The following IL17REL variants were observed in gnomAD, a reference collection of about 807,000 sequenced individuals.
IL17REL encodes the protein interleukin-17 receptor E-like protein.
A neutral mutation model predicts 49.0 loss-of-function variants in IL17REL; 36 were observed. The observed-to-expected ratio is 0.73, with a 90% CI of 0.56 to 0.97. The LOEUF is 0.97. IL17REL is among the 50% of genes least tolerant of loss of function. The pLI is 0.00. For missense variants in IL17REL, 470 were observed against 453.9 expected (o/e 1.04, Z -0.32); for synonymous variants, 206 against 192.4 (o/e 1.07, Z -0.58).
At chr22:49,997,875 C>T in intron 9 of IL17REL, 133 bp from the exon 12 acceptor site, 1 of 1,373,960 alleles carries the variant, frequency 7.3e-7, no homozygotes, top group Non-Finnish European at 1.0e-6. Context: ...AGGCCCTTAG[C>T]TCACCCACTG....
At position 49,999,314 on chromosome 22, in the gene IL17REL, A is replaced by ATCCGC; in HGVS notation, c.573_577dup (p.Ile193SerfsTer31). 1 of 1,612,924 alleles carries ATCCGC rather than the reference A, an allele frequency of 6.2e-7. No homozygotes were observed. Among genetic ancestry groups the ATCCGC allele is most frequent in the Non-Finnish European group, 8.5e-7 (1 of 1,179,986 alleles). On this transcript the variant is annotated frameshift_variant, in exon 7 of 13. Transcript: ENST00000341280. LOFTEE classifies it high-confidence loss of function. ...GCCGTTTTCAAAGGGGCAGATCTGG[A>ATCCGC]TCCGCACCGCGTCAGGGGTCGCAGA...
At chr22:50,010,849 C>T (rs929872450), upstream of IL17REL, among the ~76,000 whole-genome samples, 71 of 151,860 alleles carry the variant, frequency 4.7e-4, no homozygotes, top group Admixed American at 2.0e-3. Context: ...GCGCTGGGCG[C>T]CTCCCCCGCA....
rs374805707 is a variant in IL17REL, at chr22:50,000,687, A to ATGGCGCCCAGGAGGAG, written c.219+51_219+66dup. The ATGGCGCCCAGGAGGAG allele has an allele frequency of 2.7e-4, 417 of 1,538,726 alleles. 2 individuals carry two copies. In the African/African-American group the frequency reaches 5.1e-3, roughly 19 times the overall value. On this transcript the variant is annotated intron_variant, in intron 3 of 12. Transcript: ENST00000341280. ...GCATGGCTGGAGCTTAGAGCCAGGG[A>ATGGCGCCCAGGAGGAG]TGGCGCCCAGGAGGAGTGGCGCCCA...
intron 10 of IL17REL, 99 bp from the exon 13 acceptor site, chr22:49,997,582 A>C: frequency 7.0e-7 from 1 of 1,425,682 alleles, no homozygotes; most frequent in Non-Finnish European, 9.9e-7. Flanking sequence ...TACCTCCCCC[A>C]CACTGGCTTG....
intron 2 of IL17REL, 25 bp downstream of exon 3, chr22:50,001,057 T>C (rs774706352): frequency 6.5e-6 from 10 of 1,532,522 alleles, no homozygotes; most frequent in Non-Finnish European, 8.9e-6. Flanking sequence ...GGGTGTTAAC[T>C]CCCACCCTCG....
downstream of IL17REL, among the ~76,000 whole-genome samples, chr22:49,992,596 C>T (rs2061011693): frequency 6.6e-6 from 1 of 151,998 alleles, no homozygotes; most frequent in Non-Finnish European, 1.5e-5. Context: ...CCTGGCCCCA[C>T]CCTATTTTAT....
rs142430606 is a variant in IL17REL, at chr22:49,998,059, G to A, written c.785C>T (p.Pro262Leu). The A allele has an allele frequency of 7.5e-3, 11,963 of 1,593,814 alleles. 120 individuals carry two copies. The highest frequency in any genetic ancestry group is 0.021 in the South Asian group (1,821 of 88,810). ...GAGCTGGGGCTGGGTGTCCACCAGC[G>A]GGTACTGCACCTGAGGAGGGCTGGG... The change falls in exon 9 of 13, where the codon CCG (proline) becomes CTG (leucine). Residue 262 changes from proline to leucine, a missense_variant. Physicochemically the swap from Pro to Leu is moderately conservative, Grantham distance 98. Coordinates refer to ENST00000341280, the Ensembl canonical transcript of IL17REL.
exon 12 of IL17REL, chr22:49,997,066 C>A: frequency 6.4e-7 from 1 of 1,567,688 alleles, no homozygotes. Context: ...GGGCGGCTGC[C>A]AGGTCACCCT....
chr22:49,996,716 TGTTCAGTGCAC>T (rs1159756426), exon 13 of IL17REL: 16 of 360,538 alleles, frequency 4.4e-5, no homozygotes, highest in Middle Eastern at 7.4e-4. Flanking sequence ...CCCAGTCTCC[TGTTCAGTGCAC>T]GCCACGCCCA....
chr22:50,012,497 G>A (rs578237568), upstream of IL17REL: 1 of 152,640 alleles, frequency 6.6e-6, no homozygotes, highest in African/African-American at 2.4e-5. Context: ...GAGAAACCAG[G>A]GCCTTATCTG....
upstream of IL17REL, among the ~76,000 whole-genome samples, chr22:50,009,670 G>T (rs1385926501): frequency 6.6e-6 from 1 of 152,166 alleles, no homozygotes; most frequent in African/African-American, 2.4e-5. Flanking sequence ...GGGAGCTCAA[G>T]ATGGAGACCT....
intron 1 of IL17REL, among the ~76,000 whole-genome samples, chr22:50,002,982 G>A (rs2061087470): frequency 6.6e-6 from 1 of 152,210 alleles, no homozygotes; most frequent in Admixed American, 6.5e-5. Context: ...GTGAGCTCTG[G>A]GAATGCGCCA....
intron 7 of IL17REL, among the ~76,000 whole-genome samples, chr22:49,998,854 T>TATGGGCGTGTATGTTC (rs1420968587): frequency 2.6e-5 from 4 of 151,996 alleles, no homozygotes; most frequent in Non-Finnish European, 5.9e-5. Context: ...TGTGCATGTG[T>TATGGGCGTGTATGTTC]ATGGGCGTGT....
rs1569210000 is a variant in IL17REL, at chr22:50,000,883, G to GGAAGGGTGCATCAGA, written c.110-21_110-20insTCTGATGCACCCTTC. 2.0e-6 allele frequency: 3 copies of GGAAGGGTGCATCAGA among 1,503,800 alleles called. No individual in the cohort carries two copies. The highest frequency in any genetic ancestry group is 1.8e-6 in the Non-Finnish European group (2 of 1,126,820). The allele number at this position is 1,503,800 out of a possible 1,614,324, so 93.2% of individuals were successfully genotyped here. Reference sequence around the variant, plus strand: ...GGCGCTCTGGGTGGAGGAAGGACCCGGCAGGGTGCATCAGAGCAGGGCCGC... The same window carrying GGAAGGGTGCATCAGA: ...GGCGCTCTGGGTGGAGGAAGGACCCGGAAGGGTGCATCAGAGCAGGGTGCATCAGAGCAGGGCCGC... On this transcript the variant is annotated intron_variant, in intron 2 of 12. Coordinates refer to ENST00000341280, the Ensembl canonical transcript of IL17REL.
chr22:49,993,196 G>A (rs183936138), downstream of IL17REL, among the ~76,000 whole-genome samples: 2 of 152,336 alleles, frequency 1.3e-5, no homozygotes, highest in African/African-American at 2.4e-5. This position sits in a 1 kb window ranked among gnomAD's most constrained non-coding sequence, Gnocchi z 6.0. Flanking sequence ...GTTTGTTCCC[G>A]GTGCTGGGTC....
At chr22:50,000,387 G>C (rs2061070679) in intron 4 of IL17REL, 91 bp downstream of exon 5, 1 of 953,618 alleles carries the variant, frequency 1.0e-6, no homozygotes, top group Admixed American at 1.9e-5. Context: ...TCCAGTGTGA[G>C]GGCCAGGCCC....
chr22:50,000,614 C>T (rs374928961), intron 3 of IL17REL, 22 bp from the exon 5 acceptor site: 201 of 1,601,864 alleles, frequency 1.3e-4, no homozygotes, highest in Non-Finnish European at 1.6e-4. Context: ...CAGGTGTGAG[C>T]TGCGTGGACT....
At chr22:49,998,377 A>G in intron 7 of IL17REL, 68 bp from the exon 10 acceptor site, 1 of 1,457,756 alleles carries the variant, frequency 6.9e-7, no homozygotes, top group Non-Finnish European at 9.3e-7. Flanking sequence ...CATGGGGTCT[A>G]GCACCCACTC....
chr22:49,997,174 T>TGGGA, intron 11 of IL17REL, 100 bp from the exon 14 acceptor site: 1 of 1,401,090 alleles, frequency 7.1e-7, no homozygotes, highest in Non-Finnish European at 9.8e-7. Flanking sequence ...AAAGCAGGGC[T>TGGGA]GGCCTCCCAT....
Sources: gnomAD v4.1 joint callset for allele counts (sites outside exome capture counted in the v4.1 genomes callset) on GRCh38, gnomAD v4.1.1 for gene constraint, Gnocchi (gnomAD v3.1) non-coding constraint, MANE v1.5 for transcripts, NCBI Gene and HGNC (gene_info 2026-07-23, HGNC 2026-07-21) for gene names.